Variants in DNAJC11 observed in about 807,000 individuals in gnomAD.
The protein encoded by DNAJC11 is dnaJ homolog subfamily C member 11.
DNAJC11 carries 15 observed loss-of-function variants against 78.6 expected under a neutral mutation model. The observed-to-expected ratio is 0.19, with a 90% CI of 0.13 to 0.29. The LOEUF (loss-of-function observed/expected upper bound fraction) is 0.29. Ranked by LOEUF, DNAJC11 falls within the 10% of genes least tolerant of loss-of-function variation. The pLI is 1.00. For missense variants in DNAJC11, 547 were observed against 709.6 expected, an observed-to-expected ratio of 0.77 and a Z score of 2.60; for synonymous variants, 292 against 272.1, an observed-to-expected ratio of 1.07 and a Z score of -0.72.
At chr1:6,643,336 C>T (rs1053670410) in intron 10 of DNAJC11, among the ~76,000 whole-genome samples, 3 of 147,884 alleles carry the variant, frequency 2.0e-5, no homozygotes, top group Non-Finnish European at 4.4e-5. Context: ...AGTGCAGTGG[C>T]GCCATCTCGA....
chr1:6,665,032 G>C (rs149169964), intron 4 of DNAJC11, among the ~76,000 whole-genome samples: 2 of 152,282 alleles, frequency 1.3e-5, no homozygotes, highest in African/African-American at 4.8e-5. Flanking sequence ...TCTGTGGGGG[G>C]TCCAGCTGAC....
intron 7 of DNAJC11, among the ~76,000 whole-genome samples, chr1:6,646,447 G>A (rs1050688063): frequency 6.6e-6 from 1 of 152,190 alleles, no homozygotes; most frequent in Non-Finnish European, 1.5e-5. Flanking sequence ...TGGGCTTGGA[G>A]TGCTAAGTGT....
chr1:6,671,191 A>G (rs903971941), intron 3 of DNAJC11, among the ~76,000 whole-genome samples: 2 of 152,194 alleles, frequency 1.3e-5, no homozygotes, highest in Non-Finnish European at 2.9e-5. Context: ...ATCTGGATAA[A>G]GAGATTTGAT....
At chr1:6,681,706 G>T (rs560786701) in intron 1 of DNAJC11, among the ~76,000 whole-genome samples, 50 of 151,224 alleles carry the variant, frequency 3.3e-4, no homozygotes, top group African/African-American at 1.1e-3. Flanking sequence ...TAACCACAGT[G>T]GGGGGGGCGG....
chr1:6,680,438 A>C lies in DNAJC11; in HGVS notation c.202+470T>G, dbSNP rs1232148572. Among the ~76,000 whole-genome samples the C allele has an allele frequency of 2.0e-5, 3 of 152,224 alleles. No individual in the cohort carries two copies. Among genetic ancestry groups the C allele is most frequent in the African/African-American group, 4.8e-5 (2 of 41,472 alleles). ...CATAAGACATAAGTATAAAAATGTG[A>C]ATCACTTGGTTCTATTTCCTATAAG... On this transcript the variant is annotated intron_variant, in intron 2 of 15. Transcript: ENST00000377577. The surrounding 1 kb of genome is among the most constrained non-coding windows in gnomAD (Gnocchi z 4.0).
chr1:6,699,724 G>A (rs1243702494), intron 1 of DNAJC11, among the ~76,000 whole-genome samples: 1 of 151,900 alleles, frequency 6.6e-6, no homozygotes, highest in Non-Finnish European at 1.5e-5. Context: ...TGCACGTTCT[G>A]CACATGTATC....
intron 1 of DNAJC11, among the ~76,000 whole-genome samples, chr1:6,698,186 A>G (rs1357230790): frequency 6.6e-6 from 1 of 151,770 alleles, no homozygotes; most frequent in Non-Finnish European, 1.5e-5. Context: ...CTGAACATTG[A>G]GAGTTTTGAG....
chr1:6,684,625 A>G (rs890813984), intron 1 of DNAJC11, among the ~76,000 whole-genome samples: 12 of 152,212 alleles, frequency 7.9e-5, no homozygotes, highest in Non-Finnish European at 1.5e-4. Flanking sequence ...TAAATATCAC[A>G]TTCAATAAAA....
chr1:6,659,632 T>C (rs1642178431), intron 4 of DNAJC11, among the ~76,000 whole-genome samples: 1 of 152,070 alleles, frequency 6.6e-6, no homozygotes, highest in South Asian at 2.1e-4. Flanking sequence ...CATGGTGGCA[T>C]GCACCTGTAG....
intron 4 of DNAJC11, among the ~76,000 whole-genome samples, chr1:6,661,166 T>C (rs1642206121): frequency 6.6e-6 from 1 of 152,236 alleles, no homozygotes. Context: ...TTTATATTTA[T>C]CTGGCCATGA....
intron 6 of DNAJC11, 70 bp from the exon 7 acceptor site, chr1:6,651,672 T>G (rs1287415124): frequency 8.5e-7 from 1 of 1,179,158 alleles, no homozygotes. Context: ...GGCTCAGGTA[T>G]GTACCTCTAG....
intron 1 of DNAJC11, among the ~76,000 whole-genome samples, chr1:6,684,451 T>A (rs1044730676): frequency 1.3e-5 from 2 of 152,232 alleles, no homozygotes; most frequent in African/African-American, 2.4e-5. Context: ...AGTACTGGAT[T>A]AGACAGATTG....
At position 6,653,055 on chromosome 1, in the gene DNAJC11, G is replaced by C. The variant is rs573078751; in HGVS notation, c.508-104C>G. The C allele has an allele frequency of 1.5e-6, 2 of 1,330,836 alleles. No homozygotes were observed. Among genetic ancestry groups the C allele is most frequent in the East Asian group, 4.6e-5 (2 of 43,394 alleles). The allele number at this position is 1,330,836 out of a possible 1,614,324, so 82.4% of individuals were successfully genotyped here. ...TGAGCCCAAGGCCAAAGGTGCAGAC[G>C]ATTCCTCTGTTCAGAAGCACACATG... On this transcript the variant is annotated intron_variant, in intron 5 of 15. Transcript: ENST00000377577. The surrounding 1 kb of genome is among the most constrained non-coding windows in gnomAD (Gnocchi z 4.5).
At chr1:6,676,933 G>A (rs1300439284) in intron 3 of DNAJC11, among the ~76,000 whole-genome samples, 1 of 152,082 alleles carries the variant, frequency 6.6e-6, no homozygotes, top group Non-Finnish European at 1.5e-5. Context: ...CAGCACTTTG[G>A]GAGGCCGAGG....
Position 6,645,478 on chromosome 1 carries a change from A to G in DNAJC11, c.894+311T>C, listed in dbSNP as rs1641950842. 6.6e-6 allele frequency among the ~76,000 whole-genome samples: 1 copy of G among 152,228 alleles called. No homozygotes were observed. The highest frequency in any genetic ancestry group is 2.1e-4 in the South Asian group (1 of 4,834). On this transcript the variant is annotated intron_variant, in intron 8 of 15. Transcript: ENST00000377577. The surrounding 1 kb of genome is among the most constrained non-coding windows in gnomAD (Gnocchi z 4.1). Reference sequence around the variant, plus strand: ...TGTGGCCACAGGGGCGTCCGAGGGCATGATTCTGCTATGGGGCTTCATCTG... The same window carrying G: ...TGTGGCCACAGGGGCGTCCGAGGGCGTGATTCTGCTATGGGGCTTCATCTG...
intron 3 of DNAJC11, among the ~76,000 whole-genome samples, chr1:6,675,358 A>G (rs1425727588): frequency 6.6e-6 from 1 of 151,166 alleles, no homozygotes; most frequent in African/African-American, 2.4e-5. Context: ...AAAATACGAA[A>G]ATAATGTTTA....
intron 1 of DNAJC11, among the ~76,000 whole-genome samples, chr1:6,699,051 A>T (rs1315890404): frequency 1.3e-5 from 2 of 151,448 alleles, no homozygotes; most frequent in African/African-American, 4.9e-5. Context: ...CATGCCTGTA[A>T]TCCCGGCACT....
chr1:6,666,855 A>G (rs1642301887), intron 4 of DNAJC11, among the ~76,000 whole-genome samples: 1 of 152,214 alleles, frequency 6.6e-6, no homozygotes, highest in East Asian at 1.9e-4. Context: ...CCTTATCATG[A>G]CAGATACAGG....
At chr1:6,681,944 G>A (rs1460345143) in intron 1 of DNAJC11, among the ~76,000 whole-genome samples, 1 of 152,092 alleles carries the variant, frequency 6.6e-6, no homozygotes, top group Admixed American at 6.5e-5. Context: ...AAGAACATTT[G>A]ATTTGAGGAC....
Sources: gnomAD v4.1 joint callset for allele counts (sites outside exome capture counted in the v4.1 genomes callset) on GRCh38, gnomAD v4.1.1 for gene constraint, Gnocchi (gnomAD v3.1) non-coding constraint, MANE v1.5 for transcripts, NCBI Gene and HGNC (gene_info 2026-07-23, HGNC 2026-07-21) for gene names.